Variants in DOCK7 observed in about 807,000 individuals in gnomAD.
DOCK7 encodes dedicator of cytokinesis protein 7.
A neutral mutation model predicts 271.0 loss-of-function variants in DOCK7; 138 were observed. The observed-to-expected ratio is 0.51, with a 90% CI of 0.44 to 0.59. The LOEUF is 0.59. Ranked by LOEUF, DOCK7 falls within the 20% of genes least tolerant of loss-of-function variation. The pLI is 0.00. For synonymous variants in DOCK7, 823 were observed against 876.1 expected (o/e 0.94, Z 1.07); for missense variants, 2,066 against 2,592.4 (o/e 0.80, Z 4.41).
At chr1:62,591,832 T>C (rs1195990126) in intron 14 of DOCK7, among the ~76,000 whole-genome samples, 1 of 152,210 alleles carries the variant, frequency 6.6e-6, no homozygotes, top group African/African-American at 2.4e-5. Context: ...ATCTTGTTCA[T>C]TTATGTATTA....
At chr1:62,532,096 G>A (rs141668486) in intron 29 of DOCK7, among the ~76,000 whole-genome samples, 10 of 152,292 alleles carry the variant, frequency 6.6e-5, no homozygotes, top group African/African-American at 1.4e-4. Context: ...AGGCTGTGGC[G>A]TGATGTTGGC....
At chr1:62,559,511 G>T (rs1646254716) in intron 19 of DOCK7, among the ~76,000 whole-genome samples, 1 of 151,580 alleles carries the variant, frequency 6.6e-6, no homozygotes, top group East Asian at 1.9e-4. Flanking sequence ...AGGCATATTA[G>T]TAACCTACTT....
intron 28 of DOCK7, among the ~76,000 whole-genome samples, chr1:62,536,912 G>A (rs1468656930): frequency 6.6e-6 from 1 of 152,098 alleles, no homozygotes; most frequent in African/African-American, 2.4e-5. Flanking sequence ...TATAAAAGAG[G>A]ACATACATAT....
chr1:62,465,858 C>T (rs1051168344), intron 48 of DOCK7, among the ~76,000 whole-genome samples: 1 of 152,032 alleles, frequency 6.6e-6, no homozygotes, highest in Admixed American at 6.6e-5. Flanking sequence ...CCTAGAAATA[C>T]CATTTTATCT....
chr1:62,670,296 G>A (rs1659821674), intron 1 of DOCK7, among the ~76,000 whole-genome samples: 1 of 152,284 alleles, frequency 6.6e-6, no homozygotes, highest in South Asian at 2.1e-4. Flanking sequence ...AGGACTGGCA[G>A]GCAGCTCCAC....
chr1:62,576,598 T>G (rs950433415), intron 18 of DOCK7, among the ~76,000 whole-genome samples: 1 of 152,232 alleles, frequency 6.6e-6, no homozygotes, highest in African/African-American at 2.4e-5. Context: ...CAGGAAAATA[T>G]TCACAAAACG....
At position 62,544,943 on chromosome 1, in the gene DOCK7, C is replaced by A; in HGVS notation, c.2859+4G>T. 1.9e-6 allele frequency: 3 copies of A among 1,548,152 alleles called. No individual in the cohort carries two copies. Among genetic ancestry groups the A allele is most frequent in the Non-Finnish European group, 2.6e-6 (3 of 1,145,272 alleles). On this transcript the variant is annotated splice_donor_region_variant and intron_variant, in intron 23 of 49. Coordinates refer to ENST00000635253, the MANE Select transcript of DOCK7 (RefSeq NM_001367561.1). ...AATAAAGAAACCTCTAATATAAACACCACCTGTGTTGATTCTGCACTTGGA... is the reference window on the plus strand; with the variant it reads ...AATAAAGAAACCTCTAATATAAACAACACCTGTGTTGATTCTGCACTTGGA...
chr1:62,641,302 A>G, intron 7 of DOCK7: 1 of 416,488 alleles, frequency 2.4e-6, no homozygotes, highest in Non-Finnish European at 4.7e-6. Flanking sequence ...CAACACCATG[A>G]GCCAGGAGCC....
intron 43 of DOCK7, chr1:62,484,399 C>G (rs1362402974): frequency 6.6e-6 from 1 of 152,110 alleles, no homozygotes; most frequent in Non-Finnish European, 1.5e-5. Flanking sequence ...TATGTTATCA[C>G]TGGGGATTGA....
Position 62,475,694 on chromosome 1 carries a change from T to C in DOCK7, c.5961+13A>G, listed in dbSNP as rs1384497606. On this transcript the variant is annotated intron_variant, in intron 46 of 49. Coordinates refer to ENST00000635253, the MANE Select transcript of DOCK7 (RefSeq NM_001367561.1). Reference sequence around the variant, plus strand: ...TTGCTTCACTAATGCTGTTTGCCCATTAATGGACTTACCTCTTCTTTATGA... The same window carrying C: ...TTGCTTCACTAATGCTGTTTGCCCACTAATGGACTTACCTCTTCTTTATGA... 4 of 1,610,888 alleles carry C rather than the reference T, an allele frequency of 2.5e-6. No individual in the cohort carries two copies. The highest frequency in any genetic ancestry group is 2.5e-6 in the Non-Finnish European group (3 of 1,177,604).
Position 62,601,128 on chromosome 1 carries a change from C to G in DOCK7, c.1683-14504G>C, listed in dbSNP as rs776912361. 14 of 1,610,738 alleles carry G rather than the reference C, an allele frequency of 8.7e-6. No individual in the cohort carries two copies. The Admixed American group carries it at 2.2e-4, about 25-fold the overall frequency. On this transcript the variant is annotated intron_variant, in intron 14 of 49. Coordinates refer to ENST00000635253, the MANE Select transcript of DOCK7 (RefSeq NM_001367561.1). ...GAACCCACAGAAATTTCTCTATCTTCCAAGCCAAGAGCACCAAGAACTACT... is the reference window on the plus strand; with the variant it reads ...GAACCCACAGAAATTTCTCTATCTTGCAAGCCAAGAGCACCAAGAACTACT...
At chr1:62,618,666 A>C in intron 14 of DOCK7, 40 bp downstream of exon 14, 1 of 1,512,342 alleles carries the variant, frequency 6.6e-7, no homozygotes, top group Non-Finnish European at 9.2e-7. Flanking sequence ...TAGAATATAC[A>C]GTATCTTCTA....
At chr1:62,473,955 G>A (rs760581681) in intron 48 of DOCK7, 27 bp downstream of exon 48, 1 of 1,582,032 alleles carries the variant, frequency 6.3e-7, no homozygotes, top group South Asian at 1.1e-5. Context: ...TCAATTTGAA[G>A]ATCTTTACGC....
chr1:62,538,715 T>C (rs1042649069), intron 27 of DOCK7, among the ~76,000 whole-genome samples: 19 of 152,192 alleles, frequency 1.2e-4, no homozygotes, highest in Admixed American at 1.0e-3. Flanking sequence ...AGGCATCCAA[T>C]AGAATATTCA....
chr1:62,601,708 A>C, intron 14 of DOCK7: 1 of 1,176,322 alleles, frequency 8.5e-7, no homozygotes, highest in Non-Finnish European at 1.3e-6. Flanking sequence ...GTGAAATCTC[A>C]AGCTCCAAAG....
At chr1:62,616,203 G>A (rs555891636) in intron 14 of DOCK7, among the ~76,000 whole-genome samples, 4 of 151,734 alleles carry the variant, frequency 2.6e-5, no homozygotes, top group South Asian at 4.2e-4. Context: ...AGAAAACAAC[G>A]TGCTGCCTTA....
At chr1:62,546,502 A>C (rs914895515) in intron 22 of DOCK7, among the ~76,000 whole-genome samples, 1 of 152,138 alleles carries the variant, frequency 6.6e-6, no homozygotes, top group African/African-American at 2.4e-5. Flanking sequence ...AATCTAAGAT[A>C]AATTACTTAA....
chr1:62,539,916 A>G, intron 25 of DOCK7, 24 bp from the exon 26 acceptor site: 1 of 1,490,096 alleles, frequency 6.7e-7, no homozygotes, highest in South Asian at 1.3e-5. Flanking sequence ...ATAAATTATT[A>G]ATTTCCTATG....
At position 62,602,478 on chromosome 1, in the gene DOCK7, C is replaced by T. The variant is rs554562141; in HGVS notation, c.1683-15854G>A. On this transcript the variant is annotated intron_variant, in intron 14 of 49. Transcript: ENST00000635253. Reference sequence around the variant, plus strand: ...AGGTATTAGGAAAAGTAGTAACGAACGAGAAGCAGTCTCAGCCTTCATATA... The same window carrying T: ...AGGTATTAGGAAAAGTAGTAACGAATGAGAAGCAGTCTCAGCCTTCATATA... 60 of 1,014,566 alleles carry T rather than the reference C, an allele frequency of 5.9e-5. No individual in the cohort carries two copies. In the East Asian group the frequency reaches 1.2e-3, roughly 20 times the overall value. 62.8% of individuals were successfully genotyped at this position (1,014,566 alleles called of 1,614,324 possible).
Sources: allele counts gnomAD v4.1 joint callset (sites outside exome capture counted in the v4.1 genomes callset), GRCh38; gene constraint gnomAD v4.1.1; transcripts MANE v1.5; gene names NCBI Gene and HGNC (gene_info 2026-07-23, HGNC 2026-07-21).